ZNF23: variants seen among roughly 807,000 people sequenced by gnomAD.
ZNF23 encodes the protein kruppel-like zinc finger factor X31.
ZNF23 carries 48 observed loss-of-function variants against 56.2 expected under a neutral mutation model. The ratio of observed to expected loss-of-function variants is 0.85; its 90% CI spans 0.68 to 1.09. The LOEUF (loss-of-function observed/expected upper bound fraction) is 1.09, where lower values mean the gene tolerates loss of function less well. Ranked by LOEUF, ZNF23 falls within the 50% of genes least tolerant of loss-of-function variation. The probability of loss-of-function intolerance (pLI) is 0.00; values close to 1 mark genes in which losing one functional copy is unlikely to be tolerated. For missense variants in ZNF23, 805 were observed against 811.4 expected (o/e 0.99, Z 0.10); for synonymous variants, 266 against 283.3 (o/e 0.94, Z 0.61).
chr16:71,461,310 T>G (rs1309370378), intron 1 of ZNF23, among the ~76,000 whole-genome samples: 1 of 151,954 alleles, frequency 6.6e-6, no homozygotes, highest in Non-Finnish European at 1.5e-5. Flanking sequence ...AATAAATATA[T>G]AAACCAGCAA....
At chr16:71,456,941 G>A (rs2043255188) in intron 1 of ZNF23, 113 bp from the exon 2 acceptor site, 5 of 212,088 alleles carry the variant, frequency 2.4e-5, no homozygotes, top group South Asian at 1.7e-4. Flanking sequence ...ATAGGAGTGC[G>A]AACAGGAGCT....
intron 1 of ZNF23, among the ~76,000 whole-genome samples, chr16:71,458,635 T>C (rs541063009): frequency 3.9e-5 from 6 of 152,004 alleles, no homozygotes; most frequent in African/African-American, 7.2e-5. Context: ...TGAGGTCCAA[T>C]AGGGGTGATG....
In ZNF23 at chr16:71,449,442, G is replaced by A. The variant is rs76530144; in HGVS notation, c.712C>T (p.Pro238Ser). Residue 238 changes from proline to serine, a missense_variant, in exon 5 of 5, where the codon CCT becomes TCT. Pro to Ser is a moderately conservative substitution (Grantham distance 74). Coordinates refer to ENST00000647773, the MANE Select transcript of ZNF23 (RefSeq NM_001381984.1). The stretch of plus-strand genomic sequence containing the variant: ...TTGCCACACTCCGAACACTGATAAG[G>A]CTTTTCCTCAGTGTTGTTCTCTTGA... ...QHQENNTEEK[P>S]YQCSECGKAF... 7 of 1,614,182 alleles carry A rather than the reference G, an allele frequency of 4.3e-6. No individual in the cohort carries two copies. Among genetic ancestry groups the A allele is most frequent in the Non-Finnish European group, 5.9e-6 (7 of 1,180,038 alleles).
At chr16:71,452,074 T>C (rs930973028) in intron 4 of ZNF23, 1 of 152,248 alleles carries the variant, frequency 6.6e-6, no homozygotes, top group Non-Finnish European at 1.5e-5. Context: ...ACTGACTACA[T>C]TAATGTTTCT....
Position 71,449,221 on chromosome 16 carries a change from A to G in ZNF23, c.933T>C (p.Ser311=). Residue 311 remains serine (S), a synonymous_variant, in exon 5 of 5, where the codon AGT becomes AGC. Transcript: ENST00000647773. ...CTCCCGTATGGATTCTCTGATGCCT[A>G]CTTAGGCTTCCATTAACACTGAAGG... The part of the protein sequence containing the change: ...GKAFSVNGSL[S]RHQRIHTGEK... 13 of 1,614,000 alleles carry G rather than the reference A, an allele frequency of 8.1e-6. No homozygotes were observed. The highest frequency in any genetic ancestry group is 1.1e-5 in the Non-Finnish European group (13 of 1,179,980).
chr16:71,457,562 C>CA (rs879401364), intron 1 of ZNF23, among the ~76,000 whole-genome samples: 89 of 137,988 alleles, frequency 6.4e-4, no homozygotes, highest in East Asian at 8.4e-4. Flanking sequence ...GACTCCGTCT[C>CA]AAAAAAAAAA....
In ZNF23 at chr16:71,449,525, G is replaced by T. The variant is rs1176345982; in HGVS notation, c.629C>A (p.Pro210His). 1.2e-6 allele frequency: 2 copies of T among 1,613,974 alleles called. No homozygotes were observed. Among genetic ancestry groups the T allele is most frequent in the East Asian group, 4.5e-5 (2 of 44,892 alleles). Residue 210 changes from proline (P) to histidine (H), a missense_variant, in exon 5 of 5, where the codon CCT (proline) becomes CAT (histidine). By Grantham distance (77) the Pro-to-His change is moderately conservative. Transcript: ENST00000647773. ...CTCTACTAATTCTTCACATTTGAAAGGTCTTTCCTCAGAATTAATTATTTC... is the reference window on the plus strand; with the variant it reads ...CTCTACTAATTCTTCACATTTGAAATGTCTTTCCTCAGAATTAATTATTTC... ...KHEIINSEERPFKCEELVEPF... is the reference protein window; with the variant it reads ...KHEIINSEERHFKCEELVEPF...
chr16:71,448,871 A>T lies in ZNF23; in HGVS notation c.1283T>A (p.Ile428Asn), dbSNP rs529274174. The change falls in exon 5 of 5, where the codon ATC (isoleucine) becomes AAC (asparagine). Residue 428 changes from isoleucine to asparagine, a missense_variant. Ile to Asn is a moderately radical substitution (Grantham distance 149, BLOSUM62 -3). Transcript: ENST00000647773. The part of the protein sequence containing the change: ...NNTKLIQHQR[I>N]HTGEKPYECT... ...TTCATAGGGTTTCTCACCTGTGTGG[A>T]TTCTCTGATGCTGAATGAGTTTTGT... 2 of 1,614,160 alleles carry T rather than the reference A, an allele frequency of 1.2e-6. No homozygotes were observed. The highest frequency in any genetic ancestry group is 2.2e-5 in the South Asian group (2 of 91,082).
Position 71,448,008 on chromosome 16 carries a change from C to CTTGGAGGTTT in ZNF23, c.*75_*84dup, listed in dbSNP as rs2042906177. On this transcript the variant is annotated 3_prime_UTR_variant, in exon 5 of 5. Coordinates refer to ENST00000647773, the MANE Select transcript of ZNF23 (RefSeq NM_001381984.1). ...GAAGACTCTGCCATATTCATGCCCT[C>CTTGGAGGTTT]TTGGAGGTTTTTCAATGGATGAATC... is the stretch of plus-strand genomic sequence containing the variant. 8.8e-7 allele frequency: 1 copy of CTTGGAGGTTT among 1,137,210 alleles called. No homozygotes were observed. The highest frequency in any genetic ancestry group is 2.6e-5 in the Admixed American group (1 of 38,230). The allele number at this position is 1,137,210 out of a possible 1,614,324, so 70.4% of individuals were successfully genotyped here.
At chr16:71,450,184 C>T (rs2043005521) in intron 4 of ZNF23, 1 of 223,040 alleles carries the variant, frequency 4.5e-6, no homozygotes, top group Non-Finnish European at 8.6e-6. Context: ...ATATAAAAGA[C>T]AGATATATAT....
intron 1 of ZNF23, among the ~76,000 whole-genome samples, chr16:71,459,366 G>A (rs2043357746): frequency 6.6e-6 from 1 of 152,270 alleles, no homozygotes; most frequent in Non-Finnish European, 1.5e-5. Flanking sequence ...AGAGCCTGTT[G>A]AGGGCCGAGC....
Position 71,449,089 on chromosome 16 carries a change from G to A in ZNF23, c.1065C>T (p.Asp355=). Residue 355 remains aspartate (D), a synonymous_variant, in exon 5 of 5, where the codon GAC becomes GAT. Transcript: ENST00000647773. ...CATTAACATTGAACGCTTTCCCACAGTCATTACACTCGTAAGGTTTCTCTC... is the reference window on the plus strand; with the variant it reads ...CATTAACATTGAACGCTTTCCCACAATCATTACACTCGTAAGGTTTCTCTC... The part of the protein sequence containing the change: ...HTGEKPYECN[D]CGKAFNVNAK... 2 of 1,614,056 alleles carry A rather than the reference G, an allele frequency of 1.2e-6. No individual in the cohort carries two copies. Among genetic ancestry groups the A allele is most frequent in the Non-Finnish European group, 1.7e-6 (2 of 1,180,008 alleles).
chr16:71,449,763 T>C lies in ZNF23; in HGVS notation c.391A>G (p.Lys131Glu). The C allele has an allele frequency of 1.2e-6, 2 of 1,614,146 alleles. No homozygotes were observed. Among genetic ancestry groups the C allele is most frequent in the Non-Finnish European group, 1.7e-6 (2 of 1,180,034 alleles). ...TDFSEASLLEKQQEVHSAGNI... is the reference protein window; with the variant it reads ...TDFSEASLLEEQQEVHSAGNI... ...CCTGCTGAGTGGACTTCCTGTTGTT[T>C]CTCTAGAAGAGAGGCTTCTGAAAAG... is the stretch of plus-strand genomic sequence containing the variant. The change falls in exon 5 of 5, where the codon AAA becomes GAA. Residue 131 changes from lysine to glutamate, a missense_variant. By Grantham distance (56) the Lys-to-Glu change is moderately conservative (BLOSUM62 1). Transcript: ENST00000647773.
rs1214803466 is a variant in ZNF23 at position 71,448,311 on chromosome 16, T to A, written c.1843A>T (p.Asn615Tyr). 6.2e-7 allele frequency: 1 copy of A among 1,614,110 alleles called. No individual in the cohort carries two copies. The highest frequency in any genetic ancestry group is 8.5e-7 in the Non-Finnish European group (1 of 1,179,996). ...CTCTGATGCCGAATTAAATGGGCAT[T>A]AACATGGAAGGCTTTTCCACACTCC... ...CKECGKAFHV[N>Y]AHLIRHQRSH... The change falls in exon 5 of 5, where the codon AAT becomes TAT. Residue 615 changes from asparagine to tyrosine, a missense_variant. Coordinates refer to ENST00000647773, the MANE Select transcript of ZNF23 (RefSeq NM_001381984.1).
chr16:71,447,737 TCTCTC>T lies in ZNF23; in HGVS notation c.*351_*355del, dbSNP rs368929867. The stretch of plus-strand genomic sequence containing the variant: ...CCTATCCAACAACAAGGCTTCTCTC[TCTCTC>T]CATTTATTCAAATTTCCTTTGTAAA... On this transcript the variant is annotated 3_prime_UTR_variant, in exon 5 of 5. Transcript: ENST00000647773. The T allele has an allele frequency of 1.7e-4, 28 of 166,180 alleles. No homozygotes were observed. The East Asian group carries it at 4.7e-3, about 28-fold the overall frequency. The allele number at this position is 166,180 out of a possible 1,614,324, so 10.3% of individuals were successfully genotyped here.
At position 71,459,199 on chromosome 16, in the gene ZNF23, T is replaced by C. The variant is rs1264874908; in HGVS notation, c.-32-2371A>G. On this transcript the variant is annotated intron_variant, in intron 1 of 4. Transcript: ENST00000647773. ...TCTCTGGTGTCCTATGTGGGACACC[T>C]GTGGACACCTGCTGGGCCCTGAAGT... Among the ~76,000 whole-genome samples, 4 of 152,346 alleles carry C rather than the reference T, an allele frequency of 2.6e-5. No individual in the cohort carries two copies. The East Asian group carries it at 7.7e-4, about 29-fold the overall frequency.
Position 71,449,767 on chromosome 16 carries a change from T to C in ZNF23, c.387A>G (p.Leu129=), listed in dbSNP as rs1381393544. ...CTGAGTGGACTTCCTGTTGTTTCTC[T>C]AGAAGAGAGGCTTCTGAAAAGTCTG... ...QETDFSEASL[L]EKQQEVHSAG... Residue 129 remains leucine, a synonymous_variant, in exon 5 of 5, where the codon CTA becomes CTG. Coordinates refer to ENST00000647773, the MANE Select transcript of ZNF23 (RefSeq NM_001381984.1). 8.7e-6 allele frequency: 14 copies of C among 1,614,038 alleles called. No individual in the cohort carries two copies. The highest frequency in any genetic ancestry group is 1.2e-5 in the Non-Finnish European group (14 of 1,180,046).
intron 4 of ZNF23, chr16:71,450,175 T>C (rs1448213669): frequency 8.3e-6 from 2 of 239,566 alleles, no homozygotes; most frequent in African/African-American, 2.3e-5. Flanking sequence ...TAAAGAAAAA[T>C]ATAAAAGACA....
At chr16:71,453,214 A>G (rs776223189) in intron 4 of ZNF23, 29 bp downstream of exon 4, 7 of 1,550,092 alleles carry the variant, frequency 4.5e-6, no homozygotes, top group East Asian at 2.3e-5. Context: ...CTAAATTCCA[A>G]CAGAGTGGGA....
Sources: allele counts gnomAD v4.1 joint callset (sites outside exome capture counted in the v4.1 genomes callset), GRCh38; gene constraint gnomAD v4.1.1; transcripts MANE v1.5; gene names NCBI Gene and HGNC (gene_info 2026-07-23, HGNC 2026-07-21).